Variants in CDKAL1 observed in about 807,000 individuals in gnomAD.
CDKAL1 encodes the protein CDKAL1 threonylcarbamoyladenosine tRNA methylthiotransferase.
In CDKAL1, 32 loss-of-function variants were observed where a neutral mutation model predicts 68.2. The observed-to-expected ratio is 0.47, with a 90% CI of 0.35 to 0.63. The LOEUF (loss-of-function observed/expected upper bound fraction) is 0.63, where lower values mean the gene tolerates loss of function less well. Among genes scored for constraint, CDKAL1 ranks in the 30% least tolerant of loss-of-function variants. CDKAL1 has a pLI of 0.00. For missense variants in CDKAL1, 606 were observed against 696.7 expected (o/e 0.87, Z 1.47); for synonymous variants, 234 against 244.3 (o/e 0.96, Z 0.39).
chr6:21,219,451 T>C (rs1374712976), intron 15 of CDKAL1, among the ~76,000 whole-genome samples: 4 of 152,348 alleles, frequency 2.6e-5, no homozygotes, highest in Non-Finnish European at 4.4e-5. Flanking sequence ...GTTGAACTTG[T>C]GGGTGTGGAA....
chr6:20,559,052 T>C (rs1764170569), intron 4 of CDKAL1: 1 of 152,538 alleles, frequency 6.6e-6, no homozygotes, highest in South Asian at 2.1e-4. Context: ...CAGAAGTACT[T>C]AGTTTCTGAT....
intron 2 of CDKAL1, among the ~76,000 whole-genome samples, chr6:20,545,787 A>T (rs1272007654): frequency 6.6e-6 from 1 of 152,236 alleles, no homozygotes; most frequent in Non-Finnish European, 1.5e-5. Context: ...AGGTCCTTTT[A>T]AAGTAAATTA....
chr6:21,158,727 T>C (rs1055122659), intron 13 of CDKAL1, among the ~76,000 whole-genome samples: 3 of 152,266 alleles, frequency 2.0e-5, no homozygotes, highest in African/African-American at 7.2e-5. Flanking sequence ...AGAAACTTAA[T>C]GTGAATTTTG....
chr6:20,655,590 T>C lies in CDKAL1; in HGVS notation c.371+6213T>C, dbSNP rs188844921. 1.2e-4 allele frequency among the ~76,000 whole-genome samples: 18 copies of C among 152,268 alleles called. No homozygotes were observed. In the East Asian group the frequency reaches 3.5e-3, roughly 29 times the overall value. On this transcript the variant is annotated intron_variant, in intron 5 of 15. Coordinates refer to ENST00000274695, the MANE Select transcript of CDKAL1 (RefSeq NM_017774.3). Reference sequence around the variant, plus strand: ...GATTCTTACAGGAGCACACATCCTATTGTGAACTGTACATGTGAGGGATCT... The same window carrying C: ...GATTCTTACAGGAGCACACATCCTACTGTGAACTGTACATGTGAGGGATCT...
intron 9 of CDKAL1, among the ~76,000 whole-genome samples, chr6:20,875,854 T>G (rs1282023231): frequency 6.6e-6 from 1 of 152,244 alleles, no homozygotes; most frequent in East Asian, 1.9e-4. Context: ...TTGTCCTGAC[T>G]CTGTGTGTGA....
chr6:20,975,061 A>G (rs1264373945), intron 10 of CDKAL1, among the ~76,000 whole-genome samples: 1 of 151,692 alleles, frequency 6.6e-6, no homozygotes, highest in Non-Finnish European at 1.5e-5. Context: ...TGTTTTTAGC[A>G]ATGCTTTAAT....
chr6:20,990,235 T>C (rs1402587528), intron 10 of CDKAL1, among the ~76,000 whole-genome samples: 1 of 152,122 alleles, frequency 6.6e-6, no homozygotes, highest in Non-Finnish European at 1.5e-5. Flanking sequence ...AGAGCAAGAC[T>C]CTGTCTCAAA....
At chr6:21,069,804 T>TTTTTTTTTAAA (rs60342057) in intron 12 of CDKAL1, among the ~76,000 whole-genome samples, 2 of 85,476 alleles carry the variant, frequency 2.3e-5, no homozygotes, top group African/African-American at 4.1e-5. Context: ...TTTTTTTTTT[T>TTTTTTTTTAAA]AAAACAGAGC....
intron 9 of CDKAL1, among the ~76,000 whole-genome samples, chr6:20,889,474 A>T (rs1761265435): frequency 1.3e-5 from 2 of 151,978 alleles, no homozygotes; most frequent in Non-Finnish European, 2.9e-5. Flanking sequence ...GGTATTGCCT[A>T]GGTTTTCTTC....
chr6:21,014,249 G>A lies in CDKAL1; in HGVS notation c.1055+13877G>A, dbSNP rs151167287. On this transcript the variant is annotated intron_variant, in intron 11 of 15. Coordinates refer to ENST00000274695, the MANE Select transcript of CDKAL1 (RefSeq NM_017774.3). ...ATCTAGCTCAAAATCCATTTATATG[G>A]GAGATGAAAGGAATGGATATAAAGG... 1.8e-4 allele frequency among the ~76,000 whole-genome samples: 27 copies of A among 152,200 alleles called. No individual in the cohort carries two copies. In the East Asian group the frequency reaches 5.2e-3, roughly 29 times the overall value.
At chr6:20,640,140 C>T (rs940621907) in intron 4 of CDKAL1, among the ~76,000 whole-genome samples, 1 of 152,198 alleles carries the variant, frequency 6.6e-6, no homozygotes, top group East Asian at 1.9e-4. Flanking sequence ...AATGTTTGGA[C>T]TTGACTTGTC....
chr6:20,951,113 C>G (rs761951232), intron 9 of CDKAL1, among the ~76,000 whole-genome samples: 1 of 152,186 alleles, frequency 6.6e-6, no homozygotes, highest in Non-Finnish European at 1.5e-5. Flanking sequence ...TGCTCTTTAA[C>G]TATAGATCCC....
intron 3 of CDKAL1, among the ~76,000 whole-genome samples, chr6:20,548,084 C>G (rs187785962): frequency 8.5e-5 from 13 of 152,212 alleles, no homozygotes; most frequent in Non-Finnish European, 1.8e-4. Flanking sequence ...TTTTAGAATT[C>G]TGTGGTTATT....
intron 9 of CDKAL1, among the ~76,000 whole-genome samples, chr6:20,902,343 ACACACACACACACAC>A (rs775042515): frequency 0.1 from 15,155 of 149,678 alleles, 954 homozygotes; most frequent in Non-Finnish European, 0.13. Context: ...ACACACACAC[ACACACACACACACAC>A]AATGTGTTTA....
At chr6:20,992,882 A>G (rs1181991810) in intron 10 of CDKAL1, among the ~76,000 whole-genome samples, 2 of 148,712 alleles carry the variant, frequency 1.3e-5, no homozygotes, top group Non-Finnish European at 3.0e-5. Context: ...AGCCTGGGCA[A>G]CAGAATGAGA....
chr6:21,155,264 C>T (rs1776593124), intron 13 of CDKAL1, among the ~76,000 whole-genome samples: 1 of 151,470 alleles, frequency 6.6e-6, no homozygotes. Flanking sequence ...TTTTTTTCCC[C>T]CCGAATTATA....
chr6:20,561,446 G>GAAACAAAAAAAAA, intron 4 of CDKAL1, among the ~76,000 whole-genome samples: 1 of 79,652 alleles, frequency 1.3e-5, no homozygotes, highest in Non-Finnish European at 2.3e-5. Flanking sequence ...TCTCAAAAAA[G>GAAACAAAAAAAAA]AAAAAAAAAA....
intron 13 of CDKAL1, among the ~76,000 whole-genome samples, chr6:21,114,044 C>A (rs1023967496): frequency 6.6e-6 from 1 of 151,718 alleles, no homozygotes; most frequent in Non-Finnish European, 1.5e-5. Flanking sequence ...GTCCAGAGAG[C>A]GAGACCATCC....
chr6:20,973,086 A>T (rs1765672517), intron 10 of CDKAL1, among the ~76,000 whole-genome samples: 1 of 152,128 alleles, frequency 6.6e-6, no homozygotes, highest in African/African-American at 2.4e-5. Flanking sequence ...CTCAAAAAAA[A>T]AAAAAAGACT....
Sources: gnomAD v4.1 joint callset for allele counts (sites outside exome capture counted in the v4.1 genomes callset) on GRCh38, gnomAD v4.1.1 for gene constraint, MANE v1.5 for transcripts, NCBI Gene and HGNC (gene_info 2026-07-23, HGNC 2026-07-21) for gene names.